BLTP1: variants seen among roughly 807,000 people sequenced by gnomAD.
BLTP1 encodes bridge-like lipid transfer protein family member 1.
the BLTP1 span, chr4:122,207,514 C>CTTTTTTTTTT: frequency 3.1e-3 from 3,963 of 1,286,298 alleles, 8 homozygotes; most frequent in South Asian, 0.013. Flanking sequence ...ACTTTTTCTT[C>CTTTTTTTTTT]TTTTTTTTTT....
At chr4:122,343,297 A>G in the BLTP1 span, 1 of 1,319,552 alleles carries the variant, frequency 7.6e-7, no homozygotes, top group South Asian at 1.4e-5. Context: ...TATTGATCTG[A>G]TGTTTGAGTG....
chr4:122,237,758 G>A, the BLTP1 span: 8 of 259,586 alleles, frequency 3.1e-5, no homozygotes, highest in Non-Finnish European at 4.2e-5. Context: ...GCTGAGGAGG[G>A]CGGATCACGA....
the BLTP1 span, among the ~76,000 whole-genome samples, chr4:122,157,354 C>CA: frequency 2.0e-5 from 3 of 152,024 alleles, no homozygotes; most frequent in African/African-American, 7.3e-5. Context: ...TAGTGGTCCT[C>CA]AACCTTTTTG....
the BLTP1 span, chr4:122,212,042 G>A: frequency 1.0e-6 from 1 of 984,226 alleles, no homozygotes; most frequent in Non-Finnish European, 1.2e-6. Flanking sequence ...AGCTGACAAG[G>A]AATCCTGTAA....
At chr4:122,247,392 A>C in the BLTP1 span, 2 of 1,609,116 alleles carry the variant, frequency 1.2e-6, no homozygotes, top group South Asian at 1.1e-5. Flanking sequence ...TTTTCTTGGC[A>C]TATATAAATG....
chr4:122,349,054 T>C, the BLTP1 span: 2 of 946,146 alleles, frequency 2.1e-6, no homozygotes, highest in African/African-American at 1.7e-5. This position sits in a 1 kb window ranked among gnomAD's most constrained non-coding sequence, Gnocchi z 4.5. Context: ...ATTGTCAAAC[T>C]TGACCTTTTA....
chr4:122,192,238 C>T, the BLTP1 span: 259 of 1,611,692 alleles, frequency 1.6e-4, 1 homozygote, highest in African/African-American at 1.1e-3. Context: ...GGACTTGTTC[C>T]GGAAGAAACA....
At chr4:122,336,056 C>A in the BLTP1 span, 2 of 620,724 alleles carry the variant, frequency 3.2e-6, no homozygotes, top group African/African-American at 1.8e-5. Flanking sequence ...TTCCTATCAA[C>A]CTGCTACTTT....
chr4:122,214,073 A>G, the BLTP1 span: 1 of 361,906 alleles, frequency 2.8e-6, no homozygotes, highest in Admixed American at 6.5e-5. Flanking sequence ...TTCTTTTTTC[A>G]AAAAAGTATA....
the BLTP1 span, chr4:122,301,233 T>TA: frequency 2.8e-6 from 4 of 1,433,260 alleles, no homozygotes; most frequent in South Asian, 2.9e-5. Context: ...GATTTTTTTT[T>TA]AATGCACAAA....
the BLTP1 span, chr4:122,304,733 A>G: frequency 6.4e-7 from 1 of 1,570,110 alleles, no homozygotes; most frequent in Non-Finnish European, 8.6e-7. Flanking sequence ...GAAAGACTAC[A>G]TTTGAGTAGG....
the BLTP1 span, chr4:122,290,816 C>T: frequency 8.0e-5 from 9 of 112,862 alleles, no homozygotes; most frequent in African/African-American, 1.9e-4. Context: ...AAAATATACA[C>T]ACACACACAC....
the BLTP1 span, chr4:122,341,966 GA>G: frequency 2.6e-5 from 9 of 350,194 alleles, no homozygotes; most frequent in East Asian, 1.7e-4. Flanking sequence ...TAACAAAAAG[GA>G]AAAAAAAGCC....
chr4:122,205,980 G>A, the BLTP1 span: 1 of 984,656 alleles, frequency 1.0e-6, no homozygotes, highest in Non-Finnish European at 1.2e-6. Context: ...AAACTGCTAT[G>A]GTAGATGGTA....
At chr4:122,325,908 G>T in the BLTP1 span, 1 of 1,056,624 alleles carries the variant, frequency 9.5e-7, no homozygotes, top group South Asian at 1.5e-5. Context: ...CTGGGGAAGG[G>T]TATTTTCAGG....
chr4:122,210,002 A>G, the BLTP1 span: 1 of 1,521,796 alleles, frequency 6.6e-7, no homozygotes, highest in Middle Eastern at 1.8e-4. Flanking sequence ...GAAGCAAATA[A>G]ATTGAAATGC....
chr4:122,226,796 A>G, the BLTP1 span: 2 of 1,612,964 alleles, frequency 1.2e-6, no homozygotes, highest in South Asian at 1.1e-5. Flanking sequence ...CAGTTATAAT[A>G]TGTCAGCATG....
the BLTP1 span, among the ~76,000 whole-genome samples, chr4:122,361,745 T>C: frequency 6.6e-6 from 1 of 152,236 alleles, no homozygotes; most frequent in African/African-American, 2.4e-5. Flanking sequence ...TCCTTTTATA[T>C]GTTTAAGATA....
chr4:122,274,886 C>A, the BLTP1 span, among the ~76,000 whole-genome samples: 2 of 152,034 alleles, frequency 1.3e-5, no homozygotes, highest in South Asian at 4.1e-4. Flanking sequence ...TTTTAAAAAT[C>A]TGAATAATGT....
Sources: gnomAD v4.1 joint callset for allele counts (sites outside exome capture counted in the v4.1 genomes callset) on GRCh38, gnomAD v4.1.1 for gene constraint, Gnocchi (gnomAD v3.1) non-coding constraint, MANE v1.5 for transcripts, NCBI Gene and HGNC (gene_info 2026-07-23, HGNC 2026-07-21) for gene names.